GRM8: variants seen among roughly 807,000 people sequenced by gnomAD.
The protein encoded by GRM8 is metabotropic glutamate receptor 8.
GRM8 carries 47 observed loss-of-function variants against 87.2 expected under a neutral mutation model. The observed-to-expected ratio is 0.54, with a 90% CI of 0.43 to 0.69. The LOEUF is 0.69. Ranked by LOEUF, GRM8 falls within the 30% of genes least tolerant of loss-of-function variation. GRM8 has a pLI of 0.00. For synonymous variants in GRM8, 396 were observed against 404.5 expected, an observed-to-expected ratio of 0.98 and a Z score of 0.25; for missense variants, 1,019 against 1,139.2, an observed-to-expected ratio of 0.89 and a Z score of 1.52.
At chr7:126,884,890 G>A (rs1368337401) in intron 6 of GRM8, among the ~76,000 whole-genome samples, 1 of 152,168 alleles carries the variant, frequency 6.6e-6, no homozygotes, top group African/African-American at 2.4e-5. Flanking sequence ...GCATACAGTA[G>A]GGAGATCTGA....
intron 3 of GRM8, among the ~76,000 whole-genome samples, chr7:126,932,117 G>A (rs926736685): frequency 3.9e-5 from 6 of 152,168 alleles, no homozygotes; most frequent in South Asian, 4.2e-4. Flanking sequence ...CTAAAAGATG[G>A]CCATAAATGA....
intron 2 of GRM8, among the ~76,000 whole-genome samples, chr7:127,188,869 A>G (rs538510670): frequency 6.6e-6 from 1 of 152,220 alleles, no homozygotes; most frequent in African/African-American, 2.4e-5. Flanking sequence ...TTCTCCTCCA[A>G]TCAGTTCTCC....
chr7:126,927,189 G>A (rs143927673), intron 3 of GRM8, among the ~76,000 whole-genome samples: 24 of 152,252 alleles, frequency 1.6e-4, no homozygotes, highest in African/African-American at 4.8e-4. Context: ...AGGCTAGAAC[G>A]CAGTGGTGCT....
chr7:127,042,045 G>A (rs1818475965), intron 3 of GRM8, among the ~76,000 whole-genome samples: 1 of 152,156 alleles, frequency 6.6e-6, no homozygotes, highest in Admixed American at 6.5e-5. Context: ...AATAGGAACT[G>A]GTTTAGCTTG....
At chr7:126,892,115 AC>A (rs1801094041) in intron 6 of GRM8, among the ~76,000 whole-genome samples, 2 of 151,072 alleles carry the variant, frequency 1.3e-5, no homozygotes, top group African/African-American at 4.9e-5. Flanking sequence ...TATTTGTATA[AC>A]TTTTTACATT....
At chr7:127,012,208 T>G (rs1303925481) in intron 3 of GRM8, among the ~76,000 whole-genome samples, 3 of 152,118 alleles carry the variant, frequency 2.0e-5, no homozygotes, top group African/African-American at 7.2e-5. Context: ...CTGAAGCCAA[T>G]CCATCTGTGT....
chr7:126,509,983 C>T (rs1315454462), intron 9 of GRM8, among the ~76,000 whole-genome samples: 1 of 151,974 alleles, frequency 6.6e-6, no homozygotes, highest in East Asian at 1.9e-4. Context: ...TAAGCACATA[C>T]ACACACATGC....
At chr7:126,762,622 G>A (rs1469904244) in intron 7 of GRM8, among the ~76,000 whole-genome samples, 1 of 151,958 alleles carries the variant, frequency 6.6e-6, no homozygotes, top group African/African-American at 2.4e-5. Flanking sequence ...GTATTTTCTG[G>A]AATTTTAATA....
intron 9 of GRM8, among the ~76,000 whole-genome samples, chr7:126,464,261 T>C (rs1563033924): frequency 1.3e-5 from 2 of 151,744 alleles, no homozygotes; most frequent in Non-Finnish European, 3.0e-5. Flanking sequence ...CTGATAAACG[T>C]ATAGCTACCC....
chr7:126,447,821 CT>C (rs540748468), intron 9 of GRM8, among the ~76,000 whole-genome samples: 1 of 151,920 alleles, frequency 6.6e-6, no homozygotes, highest in South Asian at 2.1e-4. Flanking sequence ...GCTGAATTTA[CT>C]GCCCAGTTCA....
intron 10 of GRM8, 64 bp from the exon 11 acceptor site, chr7:126,439,232 T>C (rs1801175123): frequency 3.2e-6 from 3 of 945,458 alleles, no homozygotes; most frequent in Non-Finnish European, 5.2e-6. Context: ...GTTAATATGA[T>C]TTTAAAATTC....
chr7:126,783,916 G>A (rs1820360070), intron 6 of GRM8, among the ~76,000 whole-genome samples: 2 of 152,156 alleles, frequency 1.3e-5, no homozygotes, highest in Admixed American at 6.6e-5. Flanking sequence ...TAAAACATCA[G>A]TGTTCATTAG....
chr7:126,521,334 A>G (rs1442517101), intron 9 of GRM8, among the ~76,000 whole-genome samples: 1 of 152,140 alleles, frequency 6.6e-6, no homozygotes, highest in African/African-American at 2.4e-5. Flanking sequence ...TAACATAGAG[A>G]GTCTAAAATT....
chr7:127,063,829 T>C lies in GRM8; in HGVS notation c.727+42667A>G, dbSNP rs960625792. On this transcript the variant is annotated intron_variant, in intron 3 of 10. Transcript: ENST00000339582. ...CCCAGAGATTCCAGTATGTTGTTTG[T>C]TCTCATTATTTTCAAAGAACTTCTT... 2.6e-5 allele frequency among the ~76,000 whole-genome samples: 4 copies of C among 152,246 alleles called. No homozygotes were observed. In the East Asian group the frequency reaches 5.8e-4, roughly 22 times the overall value.
At chr7:126,680,419 C>T (rs1311175240) in intron 7 of GRM8, among the ~76,000 whole-genome samples, 1 of 152,158 alleles carries the variant, frequency 6.6e-6, no homozygotes, top group Non-Finnish European at 1.5e-5. Context: ...AGTTAGGTAT[C>T]TTTAATGCCC....
intron 7 of GRM8, among the ~76,000 whole-genome samples, chr7:126,625,587 A>G (rs1036583346): frequency 6.6e-6 from 1 of 152,216 alleles, no homozygotes; most frequent in Non-Finnish European, 1.5e-5. Flanking sequence ...TTAAGGTTGC[A>G]AAGTGTCATT....
intron 3 of GRM8, among the ~76,000 whole-genome samples, chr7:126,968,080 G>A (rs904313290): frequency 6.6e-6 from 1 of 152,120 alleles, no homozygotes; most frequent in East Asian, 1.9e-4. Context: ...TTATGAAAAT[G>A]TCTTATCTGT....
rs556786534 is a variant in GRM8, at chr7:126,694,109, A to C, written c.1357+75756T>G. ...TTATTTATTTATAAGAAAACAAACT[A>C]AACTATATATAGTTATATTTATTAA... On this transcript the variant is annotated intron_variant, in intron 7 of 10. Coordinates refer to ENST00000339582, the MANE Select transcript of GRM8 (RefSeq NM_000845.3). Among the ~76,000 whole-genome samples, 3 of 151,998 alleles carry C rather than the reference A, an allele frequency of 2.0e-5. No homozygotes were observed. The South Asian group carries it at 6.2e-4, about 32-fold the overall frequency.
In GRM8 at chr7:126,918,245, C is replaced by A. The variant is rs1429473222; in HGVS notation, c.728-13562G>T. Among the ~76,000 whole-genome samples, 5 of 152,092 alleles carry A rather than the reference C, an allele frequency of 3.3e-5. 1 individual carries two copies. The highest frequency in any genetic ancestry group is 7.2e-5 in the African/African-American group (3 of 41,408). Reference sequence around the variant, plus strand: ...ATGATACATTGATATGCATCAGAATCAACAAGTCAGAAAACATTTCATAAG... The same window carrying A: ...ATGATACATTGATATGCATCAGAATAAACAAGTCAGAAAACATTTCATAAG... On this transcript the variant is annotated intron_variant, in intron 3 of 10. Transcript: ENST00000339582.
Sources: gnomAD v4.1 joint callset for allele counts (sites outside exome capture counted in the v4.1 genomes callset) on GRCh38, gnomAD v4.1.1 for gene constraint, MANE v1.5 for transcripts, NCBI Gene and HGNC (gene_info 2026-07-23, HGNC 2026-07-21) for gene names.